MOV10: variants seen among roughly 807,000 people sequenced by gnomAD.
MOV10 encodes the protein Mov10 RNA helicase.
In MOV10, 39 loss-of-function variants were observed where a neutral mutation model predicts 108.4. The ratio of observed to expected loss-of-function variants is 0.36; its 90% CI spans 0.28 to 0.47. MOV10 has a LOEUF of 0.47. Among genes scored for constraint, MOV10 ranks in the 20% least tolerant of loss-of-function variants. MOV10 has a pLI of 1.00. For synonymous variants in MOV10, 490 were observed against 523.1 expected (o/e 0.94, Z 0.86); for missense variants, 952 against 1,297.6 (o/e 0.73, Z 4.09).
chr1:112,680,766 G>T (rs556651916), intron 2 of MOV10, among the ~76,000 whole-genome samples: 1 of 130,710 alleles, frequency 7.7e-6, no homozygotes, highest in Non-Finnish European at 1.5e-5. Context: ...GCAGTGGCAC[G>T]ATCTCAGCAC....
intron 2 of MOV10, among the ~76,000 whole-genome samples, chr1:112,681,857 T>TTTATG (rs1049126016): frequency 6.6e-6 from 1 of 151,014 alleles, no homozygotes; most frequent in Admixed American, 6.6e-5. Flanking sequence ...GAGTTCAAAA[T>TTTATG]TTATGTTATG....
intron 2 of MOV10, among the ~76,000 whole-genome samples, chr1:112,680,948 T>C (rs1254563703): frequency 6.6e-6 from 1 of 151,832 alleles, no homozygotes; most frequent in East Asian, 2.0e-4. Flanking sequence ...GGTGATCACC[T>C]GCCTTGACCT....
At chr1:112,699,381 G>A (rs977619689) in intron 17 of MOV10, 40 of 970,022 alleles carry the variant, frequency 4.1e-5, no homozygotes, top group Non-Finnish European at 5.0e-5. Context: ...CAGATACTTA[G>A]TGATTGTTTT....
At position 112,694,955 on chromosome 1, in the gene MOV10, G is replaced by A; in HGVS notation, c.1620+59G>A. On this transcript the variant is annotated intron_variant, in intron 10 of 20. Transcript: ENST00000369645. This position sits in a 1 kb window ranked among gnomAD's most constrained non-coding sequence, Gnocchi z 4.1. The stretch of plus-strand genomic sequence containing the variant: ...CTGATTCCCCCAGCACCAAGCAGTT[G>A]TCCCCAGATTCTAGTTCCTTCCCAC... The A allele has an allele frequency of 1.3e-6, 2 of 1,546,650 alleles. No individual in the cohort carries two copies. Among genetic ancestry groups the A allele is most frequent in the South Asian group, 2.4e-5 (2 of 83,540 alleles).
At chr1:112,674,752 A>T (rs1361793856) in intron 1 of MOV10, 23 bp downstream of exon 1, 1 of 620,452 alleles carries the variant, frequency 1.6e-6, no homozygotes, top group Admixed American at 3.8e-5. Context: ...CGGAGGAGGG[A>T]AGCCTGGTGG....
At position 112,689,093 on chromosome 1, in the gene MOV10, T is replaced by A; in HGVS notation, c.296T>A (p.Ile99Asn). 6.2e-7 allele frequency: 1 copy of A among 1,611,878 alleles called. No homozygotes were observed. The highest frequency in any genetic ancestry group is 1.1e-5 in the South Asian group (1 of 90,914). ...AGGAGAATGAAGCTGGGGTCAGATA[T>A]CAGCAAACACCACAAGTCACTGCTA... ...EKRRMKLGSD[I>N]SKHHKSLLAK... Residue 99 changes from isoleucine to asparagine, a missense_variant, in exon 3 of 21, where the codon ATC becomes AAC. Ile to Asn is a moderately radical substitution (Grantham distance 149). Around this residue, in one of 5 missense-constraint regions of MOV10, gnomAD observed 374 missense variants for 468.6 expected, o/e 0.80. Transcript: ENST00000369645.
intron 16 of MOV10, 79 bp downstream of exon 16, chr1:112,698,557 G>A (rs1251506136): frequency 6.6e-7 from 1 of 1,513,272 alleles, no homozygotes; most frequent in African/African-American, 1.4e-5. Flanking sequence ...ACTAGGCAGA[G>A]GCTCCAGGAG....
chr1:112,699,350 C>T lies in MOV10; in HGVS notation c.2584-335C>T, dbSNP rs75202428. Reference sequence around the variant, plus strand: ...TTCTGATCGGGGGTCCGGGTTAGGGCCCAGGGTTGTATATTCTTAACAGAT... The same window carrying T: ...TTCTGATCGGGGGTCCGGGTTAGGGTCCAGGGTTGTATATTCTTAACAGAT... On this transcript the variant is annotated intron_variant, in intron 17 of 20. Coordinates refer to ENST00000369645, the MANE Select transcript of MOV10 (RefSeq NM_001321324.2). The T allele has an allele frequency of 2.4e-3, 1,510 of 640,334 alleles. 24 individuals carry two copies. The African/African-American group carries it at 0.027, about 11-fold the overall frequency. The allele number at this position is 640,334 out of a possible 1,614,324, so 39.7% of individuals were successfully genotyped here.
At chr1:112,677,755 G>A (rs1672306713) in intron 2 of MOV10, among the ~76,000 whole-genome samples, 1 of 152,042 alleles carries the variant, frequency 6.6e-6, no homozygotes. Flanking sequence ...TAACTAACAA[G>A]AGAATGGGCC....
chr1:112,698,558 G>A, intron 16 of MOV10, 80 bp downstream of exon 16: 1 of 1,508,236 alleles, frequency 6.6e-7, no homozygotes, highest in Non-Finnish European at 9.1e-7. Flanking sequence ...CTAGGCAGAG[G>A]CTCCAGGAGC....
chr1:112,691,131 A>G (rs1243412960), intron 5 of MOV10, among the ~76,000 whole-genome samples: 1 of 152,162 alleles, frequency 6.6e-6, no homozygotes, highest in Non-Finnish European at 1.5e-5. Context: ...ATACAAAAAA[A>G]TTAGCCGGGT....
At position 112,700,533 on chromosome 1, in the gene MOV10, C is replaced by A; in HGVS notation, c.*26C>A. On this transcript the variant is annotated 3_prime_UTR_variant, in exon 21 of 21. Coordinates refer to ENST00000369645, the MANE Select transcript of MOV10 (RefSeq NM_001321324.2). ...AGACACAGCACCCAGCCTTCTCGCA[C>A]CAGCCAAGCCTTAACTGCCTGCCTG... The A allele has an allele frequency of 3.7e-6, 6 of 1,609,736 alleles. No homozygotes were observed. Among genetic ancestry groups the A allele is most frequent in the Non-Finnish European group, 5.1e-6 (6 of 1,177,602 alleles).
In MOV10 at chr1:112,675,291, C is replaced by T. The variant is rs1193889936; in HGVS notation, c.137+242C>T. Reference sequence around the variant, plus strand: ...TGCGCCAAGTCGCCGCGGAGAGCCTCCCGCGCTGCCCGCGCCCCCGGAGGC... The same window carrying T: ...TGCGCCAAGTCGCCGCGGAGAGCCTTCCGCGCTGCCCGCGCCCCCGGAGGC... On this transcript the variant is annotated intron_variant, in intron 2 of 20. Coordinates refer to ENST00000369645, the MANE Select transcript of MOV10 (RefSeq NM_001321324.2). The surrounding 1 kb of genome is among the most constrained non-coding windows in gnomAD (Gnocchi z 4.7). Among the ~76,000 whole-genome samples, 4 of 152,110 alleles carry T rather than the reference C, an allele frequency of 2.6e-5. No homozygotes were observed. The highest frequency in any genetic ancestry group is 5.9e-5 in the Non-Finnish European group (4 of 67,968).
At chr1:112,695,735 G>A (rs1035218679) in intron 11 of MOV10, among the ~76,000 whole-genome samples, 161 bp downstream of exon 11, 1 of 151,580 alleles carries the variant, frequency 6.6e-6, no homozygotes, top group Non-Finnish European at 1.5e-5. Context: ...CTGTAAGTGA[G>A]GGGGGTGGAT....
At chr1:112,691,488 A>T (rs548893160) in intron 5 of MOV10, among the ~76,000 whole-genome samples, 177 bp from the exon 6 acceptor site, 110 of 152,254 alleles carry the variant, frequency 7.2e-4, no homozygotes, top group African/African-American at 2.5e-3. Context: ...AATAGTTTTA[A>T]AGGTTTCCAA....
intron 18 of MOV10, 27 bp from the exon 19 acceptor site, chr1:112,699,867 C>T (rs745912154): frequency 3.1e-6 from 5 of 1,614,144 alleles, no homozygotes; most frequent in Non-Finnish European, 4.2e-6. Flanking sequence ...TCTTCCCTCC[C>T]ATGACCACAC....
At position 112,700,673 on chromosome 1, in the gene MOV10, AG is replaced by A; in HGVS notation, c.*167del. 1.3e-6 allele frequency: 2 copies of A among 1,532,610 alleles called. No individual in the cohort carries two copies. The highest frequency in any genetic ancestry group is 2.4e-5 in the South Asian group (2 of 81,916). The allele number at this position is 1,532,610 out of a possible 1,614,324, so 94.9% of individuals were successfully genotyped here. ...CCCTGCTGGGGAGAATGACACATCA[AG>A]CTGCTAACAATTGGGGGAAGGGGAA... On this transcript the variant is annotated 3_prime_UTR_variant, in exon 21 of 21. Transcript: ENST00000369645.
At chr1:112,698,978 G>A in intron 17 of MOV10, 189 bp downstream of exon 17, 2 of 606,886 alleles carry the variant, frequency 3.3e-6, no homozygotes, top group Non-Finnish European at 5.9e-6. Context: ...ATGGGATCAG[G>A]AAGCCTGCAT....
rs144797478 is a variant in MOV10, at chr1:112,699,851, C to T, written c.2709+41C>T. ...GGGGTGGCAGGAATTCTTCCATTCT[C>T]GGGGCTCTTCCCTCCCATGACCACA... On this transcript the variant is annotated intron_variant, in intron 18 of 20. Transcript: ENST00000369645. 3.2e-4 allele frequency: 513 copies of T among 1,614,010 alleles called. 2 individuals carry two copies. In the African/African-American group the frequency reaches 5.0e-3, roughly 16 times the overall value.
Sources: allele counts gnomAD v4.1 joint callset (sites outside exome capture counted in the v4.1 genomes callset), GRCh38; gene constraint gnomAD v4.1.1; regional missense constraint gnomAD v4.1.1; non-coding constraint Gnocchi (gnomAD v3.1); transcripts MANE v1.5; gene names NCBI Gene and HGNC (gene_info 2026-07-23, HGNC 2026-07-21).